GPC6: variants seen among roughly 807,000 people sequenced by gnomAD.
The protein encoded by GPC6 is glypican-6.
A neutral mutation model predicts 55.2 loss-of-function variants in GPC6; 14 were observed. That is an observed-to-expected ratio of 0.25 (90% CI 0.17 to 0.40). The LOEUF is 0.40. GPC6 is among the 10% of genes least tolerant of loss of function. GPC6 has a pLI of 1.00. For missense variants in GPC6, 641 were observed against 708.5 expected, an observed-to-expected ratio of 0.90 and a Z score of 1.08; for synonymous variants, 278 against 259.6, an observed-to-expected ratio of 1.07 and a Z score of -0.68.
chr13:93,521,045 C>T (rs1030658688), intron 1 of GPC6, among the ~76,000 whole-genome samples: 6 of 151,824 alleles, frequency 4.0e-5, no homozygotes, highest in African/African-American at 1.2e-4. Flanking sequence ...TGGAAATGTA[C>T]ACGTATATGT....
Position 93,367,471 on chromosome 13 carries a change from G to A in GPC6, c.160+139855G>A, listed in dbSNP as rs374504287. Among the ~76,000 whole-genome samples the A allele has an allele frequency of 6.6e-4, 100 of 151,906 alleles. 1 individual carries two copies. In the South Asian group the frequency reaches 0.02, roughly 30 times the overall value. The stretch of plus-strand genomic sequence containing the variant: ...TTCGTTGGTTTCTGCTTTTTATTAT[G>A]CCCTTTGTTTGTCTTATTTAGGTTT... On this transcript the variant is annotated intron_variant, in intron 1 of 8. Transcript: ENST00000377047.
At chr13:94,197,594 A>G (rs1889618881) in intron 4 of GPC6, among the ~76,000 whole-genome samples, 1 of 152,078 alleles carries the variant, frequency 6.6e-6, no homozygotes, top group South Asian at 2.1e-4. Context: ...TGAATTAGGA[A>G]CCCACCCTTA....
At chr13:93,319,988 G>A (rs1052418751) in intron 1 of GPC6, among the ~76,000 whole-genome samples, 7 of 152,128 alleles carry the variant, frequency 4.6e-5, no homozygotes, top group African/African-American at 1.7e-4. Context: ...TGGAGCATGA[G>A]CCCTGATGGC....
At chr13:94,369,985 G>A (rs990892454) in intron 6 of GPC6, among the ~76,000 whole-genome samples, 2 of 152,206 alleles carry the variant, frequency 1.3e-5, no homozygotes, top group African/African-American at 4.8e-5. Flanking sequence ...TATTTATGAA[G>A]CACTGGTACA....
intron 2 of GPC6, among the ~76,000 whole-genome samples, chr13:93,770,704 G>C (rs893320657): frequency 6.6e-6 from 1 of 152,066 alleles, no homozygotes; most frequent in Non-Finnish European, 1.5e-5. Context: ...CCCAGACCCA[G>C]CAACTGCTTT....
intron 3 of GPC6, among the ~76,000 whole-genome samples, chr13:93,869,671 A>T (rs573605926): frequency 6.6e-6 from 1 of 151,856 alleles, no homozygotes; most frequent in Admixed American, 6.6e-5. Context: ...ATGGATGTCC[A>T]TGCATCTGAA....
intron 7 of GPC6, among the ~76,000 whole-genome samples, chr13:94,385,542 A>C (rs1880364928): frequency 6.6e-6 from 1 of 152,256 alleles, no homozygotes; most frequent in South Asian, 2.1e-4. Flanking sequence ...ATTATGCATA[A>C]GTATATTATT....
intron 2 of GPC6, among the ~76,000 whole-genome samples, chr13:93,586,584 C>T (rs1877211718): frequency 6.6e-6 from 1 of 152,112 alleles, no homozygotes; most frequent in Admixed American, 6.5e-5. Context: ...AAACTGGACC[C>T]CTTCCTTACA....
chr13:93,438,731 T>A (rs1443061900), intron 1 of GPC6, among the ~76,000 whole-genome samples: 2 of 152,158 alleles, frequency 1.3e-5, no homozygotes, highest in Non-Finnish European at 2.9e-5. Flanking sequence ...AGATATACAA[T>A]ATTACATAAG....
intron 1 of GPC6, among the ~76,000 whole-genome samples, chr13:93,354,616 G>A (rs1197398674): frequency 5.3e-5 from 8 of 150,840 alleles, no homozygotes; most frequent in Admixed American, 2.0e-4. Flanking sequence ...CGCCCGCCTC[G>A]GCCTCCCAAA....
At chr13:93,798,496 C>T (rs1193756443) in intron 2 of GPC6, among the ~76,000 whole-genome samples, 2 of 152,128 alleles carry the variant, frequency 1.3e-5, no homozygotes, top group Admixed American at 1.3e-4. Flanking sequence ...TAATTATAGG[C>T]AGTGCAAATC....
upstream of GPC6, among the ~76,000 whole-genome samples, chr13:93,224,395 T>A (rs11843963): frequency 8.1e-3 from 1,224 of 151,172 alleles, 14 homozygotes; most frequent in African/African-American, 0.026. Flanking sequence ...GGTTTCTCCA[T>A]GTTGGTCAAG....
chr13:93,743,817 C>T lies in GPC6; in HGVS notation c.320-86337C>T, dbSNP rs528894135. ...CTATTTTGACCAATATTTAATATCC[C>T]TTGCTTTCATTGGTATTGTGTGTAT... is the stretch of plus-strand genomic sequence containing the variant. On this transcript the variant is annotated intron_variant, in intron 2 of 8. Transcript: ENST00000377047. 2.6e-5 allele frequency among the ~76,000 whole-genome samples: 4 copies of T among 152,186 alleles called. No homozygotes were observed. In the East Asian group the frequency reaches 5.8e-4, roughly 22 times the overall value.
Position 94,362,761 on chromosome 13 carries a change from T to A in GPC6, c.1153-19653T>A, listed in dbSNP as rs1594206746. Among the ~76,000 whole-genome samples the A allele has an allele frequency of 2.0e-5, 3 of 152,206 alleles. No individual in the cohort carries two copies. In the South Asian group the frequency reaches 6.2e-4, roughly 31 times the overall value. On this transcript the variant is annotated intron_variant, in intron 6 of 8. Transcript: ENST00000377047. ...CTAGATGCAATTTATAATCTCAAAG[T>A]TACAGTAAATCAATAATAAACTCTG...
chr13:94,140,176 G>T (rs903438730), intron 4 of GPC6, among the ~76,000 whole-genome samples: 2 of 152,144 alleles, frequency 1.3e-5, no homozygotes, highest in Admixed American at 1.3e-4. Flanking sequence ...AGAAGCAAGT[G>T]CAGTACAAAC....
intron 2 of GPC6, among the ~76,000 whole-genome samples, chr13:93,693,133 C>T (rs903538937): frequency 2.0e-5 from 3 of 152,104 alleles, no homozygotes; most frequent in Non-Finnish European, 4.4e-5. Context: ...CCTGGGTGTA[C>T]ATTGTTGGGC....
In GPC6 at chr13:93,603,558, T is replaced by C. The variant is rs145507803; in HGVS notation, c.319+58137T>C. Reference sequence around the variant, plus strand: ...TGAGGAAACTGAGACATGGAGAAGTTAAATAATTTTTCTGAGGTCACACAT... The same window carrying C: ...TGAGGAAACTGAGACATGGAGAAGTCAAATAATTTTTCTGAGGTCACACAT... On this transcript the variant is annotated intron_variant, in intron 2 of 8. Transcript: ENST00000377047. Among the ~76,000 whole-genome samples, 4 of 152,304 alleles carry C rather than the reference T, an allele frequency of 2.6e-5. No homozygotes were observed. In the East Asian group the frequency reaches 7.7e-4, roughly 29 times the overall value.
chr13:94,099,614 CT>C (rs1176909407), intron 4 of GPC6, among the ~76,000 whole-genome samples: 2 of 152,092 alleles, frequency 1.3e-5, no homozygotes, highest in East Asian at 3.9e-4. Context: ...TATTTGCTTA[CT>C]TTTATAAATG....
intron 4 of GPC6, among the ~76,000 whole-genome samples, chr13:94,089,733 A>C (rs1378295374): frequency 6.6e-6 from 1 of 152,166 alleles, no homozygotes. Flanking sequence ...TGTTCAACTT[A>C]AGCTAGGAAT....
Sources: allele counts gnomAD v4.1 joint callset (sites outside exome capture counted in the v4.1 genomes callset), GRCh38; gene constraint gnomAD v4.1.1; transcripts MANE v1.5; gene names NCBI Gene and HGNC (gene_info 2026-07-23, HGNC 2026-07-21).